Variants in PKN2 observed in about 807,000 individuals in gnomAD.
The protein encoded by PKN2 is serine/threonine-protein kinase N2.
Under a neutral mutation model 119.1 loss-of-function variants are expected in PKN2, and 38 were observed. The ratio of observed to expected loss-of-function variants is 0.32; its 90% CI spans 0.25 to 0.42. The LOEUF is 0.42. Ranked by LOEUF, PKN2 falls within the 10% of genes least tolerant of loss-of-function variation. The pLI, the probability that PKN2 is intolerant of heterozygous loss-of-function variation, is 1.00. For synonymous variants in PKN2, 390 were observed against 384.9 expected (o/e 1.01, Z -0.15); for missense variants, 850 against 1,165.1 (o/e 0.73, Z 3.94).
At chr1:88,775,043 C>G (rs968717341) in intron 6 of PKN2, among the ~76,000 whole-genome samples, 6 of 152,114 alleles carry the variant, frequency 3.9e-5, no homozygotes, top group African/African-American at 1.2e-4. Context: ...TTCTTGCTCC[C>G]TTTTATGAGA....
chr1:88,804,568 A>G, intron 9 of PKN2, 34 bp downstream of exon 9: 2 of 1,578,546 alleles, frequency 1.3e-6, no homozygotes, highest in Non-Finnish European at 1.7e-6. Context: ...GTGCATAACT[A>G]CAATTGAAAT....
At chr1:88,753,457 A>G (rs1317103267) in intron 2 of PKN2, among the ~76,000 whole-genome samples, 1 of 152,148 alleles carries the variant, frequency 6.6e-6, no homozygotes, top group Non-Finnish European at 1.5e-5. Context: ...TTCGTTGGAT[A>G]TATACAATCT....
Position 88,805,614 on chromosome 1 carries a change from T to G in PKN2, c.1619T>G (p.Val540Gly). The stretch of plus-strand genomic sequence containing the variant: ...GGCACCTTCAGCCCTCAAGCTCCTG[T>G]GCCTACTACAGTGCCAGTGGTTGAT... The part of the protein sequence containing the change: ...HSGTFSPQAP[V>G]PTTVPVVDVR... Residue 540 changes from valine (V) to glycine (G), a missense_variant, in exon 11 of 22, where the codon GTG (valine) becomes GGG (glycine). By Grantham distance (109) the Val-to-Gly change is moderately radical. Around this residue, in one of 9 missense-constraint regions of PKN2, gnomAD observed 216 missense variants for 252.8 expected, o/e 0.85. Coordinates refer to ENST00000370521, the MANE Select transcript of PKN2 (RefSeq NM_006256.4). 1 of 1,614,162 alleles carries G rather than the reference T, an allele frequency of 6.2e-7. No homozygotes were observed. Among genetic ancestry groups the G allele is most frequent in the Non-Finnish European group, 8.5e-7 (1 of 1,180,008 alleles).
rs2100663709 is a variant in PKN2 at position 88,700,786 on chromosome 1, C to A, written c.48+16158C>A. On this transcript the variant is annotated intron_variant, in intron 1 of 21. Coordinates refer to ENST00000370521, the MANE Select transcript of PKN2 (RefSeq NM_006256.4). ...CCTCTTTTCAGTAGTTCTCAACAAA[C>A]CTTCAGAGGGCAAAGGAAGTATTCA... Among the ~76,000 whole-genome samples, 2 of 152,280 alleles carry A rather than the reference C, an allele frequency of 1.3e-5. 1 individual carries two copies. Among genetic ancestry groups the A allele is most frequent in the African/African-American group, 4.8e-5 (2 of 41,544 alleles).
intron 2 of PKN2, among the ~76,000 whole-genome samples, chr1:88,758,062 A>AAAAAAAAG (rs539880214): frequency 2.8e-5 from 4 of 144,162 alleles, no homozygotes; most frequent in African/African-American, 1.1e-4. Flanking sequence ...AAAAAAAAAA[A>AAAAAAAAG]AGAAGTGTTT....
chr1:88,727,665 T>G (rs1388518732), intron 1 of PKN2, among the ~76,000 whole-genome samples: 4 of 152,272 alleles, frequency 2.6e-5, no homozygotes, highest in Admixed American at 2.6e-4. Context: ...TTTGATTTCT[T>G]ACAGTGTTTC....
At chr1:88,778,750 G>T (rs911537987) in intron 6 of PKN2, among the ~76,000 whole-genome samples, 2 of 150,316 alleles carry the variant, frequency 1.3e-5, no homozygotes, top group Non-Finnish European at 3.0e-5. Context: ...GTCTCGCTCT[G>T]TTGCCCAGGC....
intron 16 of PKN2, among the ~76,000 whole-genome samples, chr1:88,815,782 G>T (rs576239683): frequency 6.6e-6 from 1 of 152,144 alleles, no homozygotes; most frequent in Non-Finnish European, 1.5e-5. Context: ...GGACAAACAG[G>T]AGCATTCAAT....
At chr1:88,780,022 A>C (rs186846390) in intron 6 of PKN2, among the ~76,000 whole-genome samples, 2 of 152,316 alleles carry the variant, frequency 1.3e-5, no homozygotes, top group Admixed American at 1.3e-4. Flanking sequence ...GTGGAGCTAC[A>C]TTCCTTTCAG....
At chr1:88,816,845 G>A (rs2100902922) in intron 16 of PKN2, 1 of 152,272 alleles carries the variant, frequency 6.6e-6, no homozygotes, top group South Asian at 2.1e-4. Context: ...TGACCCCTGT[G>A]CGAGGATGAC....
At chr1:88,793,980 C>T (rs1670951572) in intron 8 of PKN2, among the ~76,000 whole-genome samples, 1 of 152,150 alleles carries the variant, frequency 6.6e-6, no homozygotes, top group Admixed American at 6.5e-5. Context: ...ATATAATATA[C>T]CACTATTTAA....
At position 88,710,519 on chromosome 1, in the gene PKN2, T is replaced by C. The variant is rs190469849; in HGVS notation, c.48+25891T>C. 7.7e-4 allele frequency among the ~76,000 whole-genome samples: 117 copies of C among 152,352 alleles called. 1 individual carries two copies. The highest frequency in any genetic ancestry group is 1.3e-3 in the Non-Finnish European group (87 of 68,036). ...AATTGAAACACACAATTTAAGGATT[T>C]GCCATGAATCTTGTCACAAACCAGT... On this transcript the variant is annotated intron_variant, in intron 1 of 21. Coordinates refer to ENST00000370521, the MANE Select transcript of PKN2 (RefSeq NM_006256.4).
intron 1 of PKN2, among the ~76,000 whole-genome samples, chr1:88,718,120 A>G (rs965231179): frequency 4.6e-5 from 7 of 152,214 alleles, no homozygotes; most frequent in African/African-American, 1.4e-4. Context: ...GGGTATCACC[A>G]TCGGAGGCTG....
intron 18 of PKN2, among the ~76,000 whole-genome samples, chr1:88,825,069 G>A (rs1001651305): frequency 2.6e-5 from 4 of 152,162 alleles, no homozygotes; most frequent in African/African-American, 7.2e-5. Flanking sequence ...ATTTAGCTTT[G>A]TTTCCATAGT....
At chr1:88,820,185 T>TATATA (rs1672194888) in intron 16 of PKN2, among the ~76,000 whole-genome samples, 1 of 2,782 alleles carries the variant, frequency 3.6e-4, no homozygotes, top group African/African-American at 5.6e-4. Flanking sequence ...GAAACCTATA[T>TATATA]ATATATATAT....
intron 1 of PKN2, among the ~76,000 whole-genome samples, chr1:88,739,369 G>A (rs1361893186): frequency 6.6e-6 from 1 of 151,960 alleles, no homozygotes; most frequent in Non-Finnish European, 1.5e-5. Context: ...TATACCTGCA[G>A]GCACAAGGTA....
chr1:88,684,586 G>A lies in PKN2; in HGVS notation c.6G>A (p.Ala2=). Reference sequence around the variant, plus strand: ...GGAGTCCATACCGGAGCGCAATGGCGTCCAACCCCGAACGGGGGGAGATTC... The same window carrying A: ...GGAGTCCATACCGGAGCGCAATGGCATCCAACCCCGAACGGGGGGAGATTC... M[A]SNPERGEILL... is the part of the protein sequence containing the mutation. Residue 2 remains alanine, a synonymous_variant, in exon 1 of 22, where the codon GCG becomes GCA. Transcript: ENST00000370521. The A allele has an allele frequency of 6.4e-7, 1 of 1,557,460 alleles. No individual in the cohort carries two copies. The highest frequency in any genetic ancestry group is 8.7e-7 in the Non-Finnish European group (1 of 1,151,958).
At chr1:88,746,020 C>T (rs1023667098) in intron 2 of PKN2, among the ~76,000 whole-genome samples, 12 of 152,212 alleles carry the variant, frequency 7.9e-5, no homozygotes, top group South Asian at 6.2e-4. Flanking sequence ...AACTGGATAT[C>T]GACATGCAGA....
chr1:88,821,518 C>T (rs1375686286), intron 16 of PKN2, among the ~76,000 whole-genome samples: 1 of 152,282 alleles, frequency 6.6e-6, no homozygotes, highest in East Asian at 1.9e-4. Flanking sequence ...CCAGATACAC[C>T]CATCCTTTAC....
Sources: gnomAD v4.1 joint callset for allele counts (sites outside exome capture counted in the v4.1 genomes callset) on GRCh38, gnomAD v4.1.1 for gene constraint, gnomAD v4.1.1 regional missense constraint, MANE v1.5 for transcripts, NCBI Gene and HGNC (gene_info 2026-07-23, HGNC 2026-07-21) for gene names.